The following BAHD1 variants were observed in gnomAD, a reference collection of about 807,000 sequenced individuals.
The protein encoded by BAHD1 is bromo adjacent homology domain-containing 1 protein.
BAHD1 carries 20 observed loss-of-function variants against 63.1 expected under a neutral mutation model. That is an observed-to-expected ratio of 0.32 (90% CI 0.22 to 0.46). BAHD1 has a LOEUF of 0.46. BAHD1 is among the 20% of genes least tolerant of loss of function. The pLI, the probability that BAHD1 is intolerant of heterozygous loss-of-function variation, is 1.00. For missense variants in BAHD1, 939 were observed against 1,071.8 expected (o/e 0.88, Z 1.73); for synonymous variants, 408 against 426.8 (o/e 0.96, Z 0.54).
rs1334398860 is a variant in BAHD1, at chr15:40,466,508, G to A, written c.*378G>A. On this transcript the variant is annotated 3_prime_UTR_variant, in exon 7 of 7. Transcript: ENST00000416165. ...ACCAGACCCAACAGGCCCTTCTGTA[G>A]CCTCCCCCTTGCCCTCAAAGGGGGA... 5.6e-6 allele frequency: 1 copy of A among 178,940 alleles called. No individual in the cohort carries two copies. Among genetic ancestry groups the A allele is most frequent in the Non-Finnish European group, 1.2e-5 (1 of 85,064 alleles). 11.1% of individuals were successfully genotyped at this position (178,940 alleles called of 1,614,324 possible). A position where few individuals can be genotyped will look rare whatever the true frequency, so the allele number is the denominator to read the frequency against.
Position 40,459,396 on chromosome 15 carries a change from G to A in BAHD1, c.932G>A (p.Arg311His), listed in dbSNP as rs201259550. Residue 311 changes from arginine to histidine, a missense_variant, in exon 2 of 7, where the codon CGC (arginine) becomes CAC (histidine). Coordinates refer to ENST00000416165, the MANE Select transcript of BAHD1 (RefSeq NM_014952.5). Reference protein sequence around the residue: ...SKALESPLGLRPHLPLLMGGQ... With the variant: ...SKALESPLGLHPHLPLLMGGQ... ...GCTCTGGAGAGCCCTTTGGGGCTGC[G>A]CCCTCACCTGCCCCTGCTGATGGGT... The A allele has an allele frequency of 6.4e-5, 104 of 1,612,592 alleles. No individual in the cohort carries two copies. The African/African-American group carries it at 9.2e-4, about 14-fold the overall frequency.
intron 4 of BAHD1, 56 bp downstream of exon 4, chr15:40,464,076 G>C: frequency 6.3e-7 from 1 of 1,587,624 alleles, no homozygotes; most frequent in Non-Finnish European, 8.6e-7. Flanking sequence ...CAGAACTGTA[G>C]TCCCCAGATT....
At chr15:40,444,196 G>A (rs1352197823) in intron 1 of BAHD1, among the ~76,000 whole-genome samples, 1 of 152,096 alleles carries the variant, frequency 6.6e-6, no homozygotes, top group Non-Finnish European at 1.5e-5. Context: ...AAATGTGGTT[G>A]GTTGCTGAGT....
intron 1 of BAHD1, among the ~76,000 whole-genome samples, chr15:40,450,878 T>C (rs570677155): frequency 6.6e-6 from 1 of 152,186 alleles, no homozygotes; most frequent in African/African-American, 2.4e-5. Context: ...TGGCTCACAT[T>C]TGTAATCCTA....
At chr15:40,447,171 A>G (rs1476185642) in intron 1 of BAHD1, among the ~76,000 whole-genome samples, 2 of 152,156 alleles carry the variant, frequency 1.3e-5, no homozygotes, top group Non-Finnish European at 2.9e-5. Context: ...TCACGTTTCC[A>G]CCATAGTCAG....
intron 1 of BAHD1, among the ~76,000 whole-genome samples, chr15:40,455,389 T>A (rs1200501883): frequency 6.6e-6 from 1 of 152,144 alleles, no homozygotes; most frequent in East Asian, 1.9e-4. Flanking sequence ...TTCTCAAAGG[T>A]TCTGGGCTCA....
chr15:40,446,851 G>A (rs181786039), intron 1 of BAHD1, among the ~76,000 whole-genome samples: 215 of 152,308 alleles, frequency 1.4e-3, no homozygotes, highest in African/African-American at 4.8e-3. Context: ...CTCACCTGGA[G>A]TGCTGTTGAT....
chr15:40,464,033 C>T lies in BAHD1; in HGVS notation c.1975+13C>T. 1 of 1,613,358 alleles carries T rather than the reference C, an allele frequency of 6.2e-7. No homozygotes were observed. Among genetic ancestry groups the T allele is most frequent in the Non-Finnish European group, 8.5e-7 (1 of 1,179,620 alleles). On this transcript the variant is annotated intron_variant, in intron 4 of 6. Transcript: ENST00000416165. The stretch of plus-strand genomic sequence containing the variant: ...AACCCCGAGTCAGGTACCTCTCCCT[C>T]TGGCTGGGGACCCAAGGGGCAGCTG...
Position 40,459,504 on chromosome 15 carries a change from T to G in BAHD1, c.1040T>G (p.Phe347Cys). 1 of 1,614,032 alleles carries G rather than the reference T, an allele frequency of 6.2e-7. No homozygotes were observed. The highest frequency in any genetic ancestry group is 1.1e-5 in the South Asian group (1 of 91,090). ...APKQELHQPS[F>C]PTPQLSPLPM... ...AAGCAGGAACTGCATCAGCCCTCTT[T>G]CCCCACACCTCAGCTGTCGCCGCTG... Residue 347 changes from phenylalanine to cysteine, a missense_variant, in exon 2 of 7, where the codon TTC becomes TGC. Phe to Cys is a radical substitution (Grantham distance 205, BLOSUM62 -2). This residue lies in a region of BAHD1 where 797 missense variants were observed against 813.3 expected (regional missense o/e 0.98). Transcript: ENST00000416165.
chr15:40,466,181 AG>A lies in BAHD1; in HGVS notation c.*56del, dbSNP rs751641059. On this transcript the variant is annotated 3_prime_UTR_variant, in exon 7 of 7. Coordinates refer to ENST00000416165, the MANE Select transcript of BAHD1 (RefSeq NM_014952.5). ...CCCATGGGCAAGTGGGGCTCGGGGT[AG>A]GGGGCACTGCTTGAAGCACAGCACT... is the stretch of plus-strand genomic sequence containing the variant. 1.6e-5 allele frequency: 24 copies of A among 1,502,600 alleles called. No individual in the cohort carries two copies. In the East Asian group the frequency reaches 4.5e-4, roughly 28 times the overall value. 93.1% of individuals were successfully genotyped at this position (1,502,600 alleles called of 1,614,324 possible).
At chr15:40,456,313 G>A (rs996626535) in intron 1 of BAHD1, among the ~76,000 whole-genome samples, 7 of 152,164 alleles carry the variant, frequency 4.6e-5, no homozygotes, top group Non-Finnish European at 8.8e-5. Context: ...AGGGACGGGT[G>A]GTCACCCTGA....
rs776469369 is a variant in BAHD1 at position 40,458,713 on chromosome 15, C to G, written c.249C>G (p.Pro83=). 1 of 1,613,768 alleles carries G rather than the reference C, an allele frequency of 6.2e-7. No individual in the cohort carries two copies. The highest frequency in any genetic ancestry group is 1.7e-5 in the Admixed American group (1 of 60,016). Residue 83 remains proline, a synonymous_variant, in exon 2 of 7, where the codon CCC becomes CCG. Transcript: ENST00000416165. The surrounding 1 kb of genome is among the most constrained non-coding windows in gnomAD (Gnocchi z 4.7). ...CTCGCCTGGAGAATGTGGCCGGTCC[C>G]CGGAGTGCAGATGAGGCTGATGAGC... is the stretch of plus-strand genomic sequence containing the variant. The part of the protein sequence containing the change: ...LLTRLENVAG[P]RSADEADELP...
chr15:40,451,168 A>AC (rs1475531058), intron 1 of BAHD1, among the ~76,000 whole-genome samples: 8 of 150,678 alleles, frequency 5.3e-5, no homozygotes, highest in Middle Eastern at 3.4e-3. Context: ...AAAAAAAAAA[A>AC]AAAACTTTAG....
chr15:40,460,234 T>C (rs1893998992), intron 2 of BAHD1, among the ~76,000 whole-genome samples: 1 of 152,158 alleles, frequency 6.6e-6, no homozygotes, highest in Admixed American at 6.5e-5. Flanking sequence ...AAGAGCAGGT[T>C]AGATATTGGA....
chr15:40,455,148 G>A (rs73387097), intron 1 of BAHD1, among the ~76,000 whole-genome samples: 2,185 of 152,306 alleles, frequency 0.014, 59 homozygotes, highest in African/African-American at 0.05. Context: ...ATTTTGCGAC[G>A]TGCTTTTGAT....
chr15:40,440,520 G>C (rs546789171), upstream of BAHD1, among the ~76,000 whole-genome samples: 3 of 151,400 alleles, frequency 2.0e-5, no homozygotes, highest in Admixed American at 2.0e-4. Context: ...GAGGATTTGG[G>C]GGAAAGGGGA....
intron 1 of BAHD1, among the ~76,000 whole-genome samples, chr15:40,441,658 G>A (rs1893405488): frequency 6.8e-6 from 1 of 147,320 alleles, no homozygotes; most frequent in South Asian, 2.1e-4. Context: ...GCGGGAGGAC[G>A]CCGGTCTTTC....
chr15:40,446,732 G>C (rs1893550701), intron 1 of BAHD1, among the ~76,000 whole-genome samples: 2 of 152,104 alleles, frequency 1.3e-5, no homozygotes, highest in Non-Finnish European at 2.9e-5. Context: ...ATTTTTTCTT[G>C]CATGTGTTCC....
intron 1 of BAHD1, among the ~76,000 whole-genome samples, chr15:40,446,401 G>T (rs1893541218): frequency 6.6e-6 from 1 of 152,324 alleles, no homozygotes; most frequent in African/African-American, 2.4e-5. Flanking sequence ...AGGCCCTGGA[G>T]TACAGTCACA....
Sources: gnomAD v4.1 joint callset for allele counts (sites outside exome capture counted in the v4.1 genomes callset) on GRCh38, gnomAD v4.1.1 for gene constraint, gnomAD v4.1.1 regional missense constraint, Gnocchi (gnomAD v3.1) non-coding constraint, MANE v1.5 for transcripts, NCBI Gene and HGNC (gene_info 2026-07-23, HGNC 2026-07-21) for gene names.